Variants in TAFA1 observed in about 807,000 individuals in gnomAD.
TAFA1 encodes the protein chemokine-like protein TAFA-1.
In TAFA1, 4 loss-of-function variants were observed where a neutral mutation model predicts 18.5. The observed-to-expected ratio is 0.22, with a 90% confidence interval of 0.11 to 0.49. The LOEUF (loss-of-function observed/expected upper bound fraction) is 0.49, where lower values mean the gene tolerates loss of function less well. TAFA1 is among the 20% of genes least tolerant of loss of function. The probability of loss-of-function intolerance (pLI) is 0.98; values close to 1 mark genes in which losing one functional copy is unlikely to be tolerated. For synonymous variants in TAFA1, 56 were observed against 55.2 expected (o/e 1.01, Z -0.06); for missense variants, 147 against 169.0 (o/e 0.87, Z 0.72).
At chr3:68,257,657 C>T (rs944677982) in intron 2 of TAFA1, among the ~76,000 whole-genome samples, 3 of 152,136 alleles carry the variant, frequency 2.0e-5, no homozygotes, top group Admixed American at 1.3e-4. Context: ...AATACTTCTT[C>T]ATGCAGTGAG....
At chr3:68,230,070 A>C (rs764329687) in intron 2 of TAFA1, among the ~76,000 whole-genome samples, 7 of 152,156 alleles carry the variant, frequency 4.6e-5, no homozygotes, top group African/African-American at 7.2e-5. Context: ...CAATCAGTAT[A>C]ATTGGGATAT....
In TAFA1 at chr3:68,305,409, C is replaced by CTATATATATATA. The variant is rs773025236; in HGVS notation, c.119-111834_119-111823dup. On this transcript the variant is annotated intron_variant, in intron 2 of 4. Coordinates refer to ENST00000478136, the MANE Select transcript of TAFA1 (RefSeq NM_213609.4). ...TATATGACTATATATGACTATATGACTATATATATATATATATATATATAT... is the reference window on the plus strand; with the variant it reads ...TATATGACTATATATGACTATATGACTATATATATATATATATATATATATATATATATATAT... Among the ~76,000 whole-genome samples the CTATATATATATA allele has an allele frequency of 5.5e-4, 21 of 38,192 alleles. 2 individuals carry two copies. Among genetic ancestry groups the CTATATATATATA allele is most frequent in the African/African-American group, 1.0e-3 (8 of 8,032 alleles). The allele number at this position is 38,192 out of a possible 152,430, so 25.1% of individuals were successfully genotyped here. A position where few individuals can be genotyped will look rare whatever the true frequency, so the allele number is the denominator to read the frequency against.
At chr3:68,303,335 G>C (rs1027183659) in intron 2 of TAFA1, among the ~76,000 whole-genome samples, 7 of 152,130 alleles carry the variant, frequency 4.6e-5, no homozygotes, top group African/African-American at 1.7e-4. Context: ...TACAAAGGAG[G>C]AGCTTTTGGT....
At chr3:68,503,093 C>T (rs903342200) in intron 3 of TAFA1, among the ~76,000 whole-genome samples, 1 of 152,116 alleles carries the variant, frequency 6.6e-6, no homozygotes, top group Non-Finnish European at 1.5e-5. Flanking sequence ...GCCAGCATGA[C>T]AGCACAAGTG....
intron 2 of TAFA1, among the ~76,000 whole-genome samples, chr3:68,239,046 T>G (rs1363290547): frequency 6.6e-6 from 1 of 152,196 alleles, no homozygotes; most frequent in Non-Finnish European, 1.5e-5. Flanking sequence ...TATCACTTTT[T>G]GAATATTAAA....
intron 2 of TAFA1, among the ~76,000 whole-genome samples, chr3:68,305,307 A>T (rs2068384381): frequency 6.7e-6 from 1 of 149,744 alleles, no homozygotes; most frequent in South Asian, 2.1e-4. Context: ...CCTCATCTTA[A>T]TGCAATTATA....
rs562897476 is a variant in TAFA1 at position 68,277,419 on chromosome 3, G to T, written c.119-139861G>T. 3.9e-5 allele frequency among the ~76,000 whole-genome samples: 6 copies of T among 152,068 alleles called. No homozygotes were observed. The South Asian group carries it at 6.2e-4, about 16-fold the overall frequency. Reference sequence around the variant, plus strand: ...GCCACTTCTAAGCATGGAACCATTGGTTCTAAGCTTGCAAAACAGCTTCTC... The same window carrying T: ...GCCACTTCTAAGCATGGAACCATTGTTTCTAAGCTTGCAAAACAGCTTCTC... On this transcript the variant is annotated intron_variant, in intron 2 of 4. Transcript: ENST00000478136.
rs71618234 is a variant in TAFA1 at position 68,370,286 on chromosome 3, CAA to C, written c.119-46959_119-46958del. 8.3e-4 allele frequency among the ~76,000 whole-genome samples: 9 copies of C among 10,854 alleles called. 3 individuals carry two copies. The highest frequency in any genetic ancestry group is 3.6e-3 in the African/African-American group (9 of 2,510). 7.1% of individuals were successfully genotyped at this position (10,854 alleles called of 152,430 possible). A position where few individuals can be genotyped will look rare whatever the true frequency, so the allele number is the denominator to read the frequency against. On this transcript the variant is annotated intron_variant, in intron 2 of 4. Transcript: ENST00000478136. The stretch of plus-strand genomic sequence containing the variant: ...CTGGGCGACAAGGGAGACCCCATCT[CAA>C]AAAAAAAAAAAAAAAAAAAAAAAAA...
chr3:68,302,665 G>T (rs2068326631), intron 2 of TAFA1, among the ~76,000 whole-genome samples: 1 of 151,920 alleles, frequency 6.6e-6, no homozygotes. Context: ...TATCGAAGGT[G>T]CTAACTAAAT....
intron 2 of TAFA1, among the ~76,000 whole-genome samples, chr3:68,323,658 C>A (rs1434932425): frequency 6.6e-6 from 1 of 152,092 alleles, no homozygotes; most frequent in Admixed American, 6.5e-5. Context: ...AGATAGTGAA[C>A]CAAATGATAC....
chr3:68,509,477 A>G (rs2072814117), intron 3 of TAFA1, among the ~76,000 whole-genome samples: 1 of 152,132 alleles, frequency 6.6e-6, no homozygotes, highest in Non-Finnish European at 1.5e-5. Context: ...AGACAAAACT[A>G]ATTCTTAATT....
chr3:68,486,783 T>C (rs1487926027), intron 3 of TAFA1, among the ~76,000 whole-genome samples: 1 of 152,238 alleles, frequency 6.6e-6, no homozygotes, highest in Non-Finnish European at 1.5e-5. Flanking sequence ...TCTTGATATC[T>C]GGGCACATAC....
intron 2 of TAFA1, among the ~76,000 whole-genome samples, chr3:68,028,732 C>A (rs191005582): frequency 6.8e-6 from 1 of 146,330 alleles, no homozygotes; most frequent in Non-Finnish European, 1.5e-5. Flanking sequence ...CTCCCTCAGC[C>A]TCACTCTTTT....
intron 2 of TAFA1, among the ~76,000 whole-genome samples, chr3:68,317,409 A>C (rs1283903683): frequency 6.6e-6 from 1 of 152,208 alleles, no homozygotes. Flanking sequence ...TCTAAGGCTA[A>C]AGAACCAACT....
In TAFA1 at chr3:68,009,474, C is replaced by T. The variant is rs928569939; in HGVS notation, c.118+2730C>T. Among the ~76,000 whole-genome samples the T allele has an allele frequency of 1.8e-4, 28 of 152,088 alleles. 1 individual carries two copies. Among genetic ancestry groups the T allele is most frequent in the Admixed American group, 1.6e-3 (24 of 15,270 alleles). On this transcript the variant is annotated intron_variant, in intron 2 of 4. Coordinates refer to ENST00000478136, the MANE Select transcript of TAFA1 (RefSeq NM_213609.4). ...TCAACCAATGCGTGGTTGATCTGTG[C>T]GTCAAATACCCCAAGAAACTGCAGC...
rs147452783 is a variant in TAFA1, at chr3:68,222,437, C to A, written c.119-194843C>A. Among the ~76,000 whole-genome samples, 142 of 152,194 alleles carry A rather than the reference C, an allele frequency of 9.3e-4. 1 individual carries two copies. The highest frequency in any genetic ancestry group is 3.3e-3 in the African/African-American group (136 of 41,538). On this transcript the variant is annotated intron_variant, in intron 2 of 4. Coordinates refer to ENST00000478136, the MANE Select transcript of TAFA1 (RefSeq NM_213609.4). Reference sequence around the variant, plus strand: ...TTGTATGAAGAGTGAGACCATTTTTCTTCATATATCCCCCTCCTCTTGCCT... The same window carrying A: ...TTGTATGAAGAGTGAGACCATTTTTATTCATATATCCCCCTCCTCTTGCCT...
At chr3:68,278,523 T>A (rs1461044802) in intron 2 of TAFA1, among the ~76,000 whole-genome samples, 9 of 152,164 alleles carry the variant, frequency 5.9e-5, no homozygotes, top group Admixed American at 4.6e-4. Context: ...GATTTCCTCA[T>A]AAGTCCTATG....
rs896009747 is a variant in TAFA1 at position 68,388,083 on chromosome 3, T to C, written c.119-29197T>C. Among the ~76,000 whole-genome samples, 4 of 152,310 alleles carry C rather than the reference T, an allele frequency of 2.6e-5. No homozygotes were observed. In the East Asian group the frequency reaches 7.7e-4, roughly 29 times the overall value. On this transcript the variant is annotated intron_variant, in intron 2 of 4. Transcript: ENST00000478136. Reference sequence around the variant, plus strand: ...AAAAGGCATATTCAGTATTTCAATATGTCATTTTTAGAAACCACGTAAAAT... The same window carrying C: ...AAAAGGCATATTCAGTATTTCAATACGTCATTTTTAGAAACCACGTAAAAT...
chr3:68,250,442 T>G (rs1469826151), intron 2 of TAFA1, among the ~76,000 whole-genome samples: 1 of 152,148 alleles, frequency 6.6e-6, no homozygotes, highest in African/African-American at 2.4e-5. Flanking sequence ...AAACTAGGAA[T>G]CAGATTACTC....
Sources: gnomAD v4.1 joint callset for allele counts (sites outside exome capture counted in the v4.1 genomes callset) on GRCh38, gnomAD v4.1.1 for gene constraint, MANE v1.5 for transcripts, NCBI Gene and HGNC (gene_info 2026-07-23, HGNC 2026-07-21) for gene names.